Variants in C3 observed in about 807,000 individuals in gnomAD.
C3 encodes the protein C3 and PZP-like alpha-2-macroglobulin domain-containing protein 1.
C3 carries 97 observed loss-of-function variants against 207.9 expected under a neutral mutation model. The ratio of observed to expected loss-of-function variants is 0.47; its 90% CI spans 0.40 to 0.55. The LOEUF (loss-of-function observed/expected upper bound fraction) is 0.55, where lower values mean the gene tolerates loss of function less well. C3 is among the 20% of genes least tolerant of loss of function. The probability of loss-of-function intolerance (pLI) is 0.00; values close to 1 mark genes in which losing one functional copy is unlikely to be tolerated. For synonymous variants in C3, 848 were observed against 857.6 expected (o/e 0.99, Z 0.20); for missense variants, 1,684 against 2,171.7 (o/e 0.78, Z 4.46).
chr19:6,700,627 A>G lies in C3; in HGVS notation c.2440+1500T>C, dbSNP rs1478281826. Among the ~76,000 whole-genome samples the G allele has an allele frequency of 4.7e-5, 2 of 42,672 alleles. 1 individual carries two copies. The highest frequency in any genetic ancestry group is 7.5e-5 in the Non-Finnish European group (2 of 26,830). 28.0% of individuals were successfully genotyped at this position (42,672 alleles called of 152,430 possible). Reference sequence around the variant, plus strand: ...ATATTATATATGTAATATATAATATATGATATATTATATATGTAATATATA... The same window carrying G: ...ATATTATATATGTAATATATAATATGTGATATATTATATATGTAATATATA... On this transcript the variant is annotated intron_variant, in intron 19 of 40. Transcript: ENST00000245907.
At chr19:6,714,142 C>T in intron 6 of C3, 24 bp downstream of exon 6, 1 of 1,605,604 alleles carries the variant, frequency 6.2e-7, no homozygotes. Context: ...GGCACTGACT[C>T]CCCCCAGCCC....
chr19:6,713,506 G>A lies in C3; in HGVS notation c.777C>T (p.Phe259=). The part of the protein sequence containing the change: ...KGLEVTITAR[F]LYGKKVEGTA... ...TTCCCTCCACTTTCTTCCCGTAGAG[G>A]AACCTACGGGACAGACAAGGAGGGC... The change falls in exon 8 of 41, where the codon TTC becomes TTT. Residue 259 remains phenylalanine, a synonymous_variant. Coordinates refer to ENST00000245907, the MANE Select transcript of C3 (RefSeq NM_000064.4). 1.2e-6 allele frequency: 2 copies of A among 1,608,520 alleles called. No individual in the cohort carries two copies. The highest frequency in any genetic ancestry group is 1.7e-6 in the Non-Finnish European group (2 of 1,175,166).
At position 6,710,738 on chromosome 19, in the gene C3, G is replaced by C. The variant is rs1967904267; in HGVS notation, c.1587C>G (p.Phe529Leu). Reference sequence around the variant, plus strand: ...TCAGCGTGTAGTACGCCACCAGGCGGAAGGAAGGGATGAAGTCGGTGGTGA... The same window carrying C: ...TCAGCGTGTAGTACGCCACCAGGCGCAAGGAAGGGATGAAGTCGGTGGTGA... ...LSITTDFIPS[F>L]RLVAYYTLIG... The change falls in exon 13 of 41, where the codon TTC becomes TTG. Residue 529 changes from phenylalanine to leucine, a missense_variant. Physicochemically the swap from Phe to Leu is conservative, Grantham distance 22. Coordinates refer to ENST00000245907, the MANE Select transcript of C3 (RefSeq NM_000064.4). 1 of 1,613,686 alleles carries C rather than the reference G, an allele frequency of 6.2e-7. No homozygotes were observed. The highest frequency in any genetic ancestry group is 8.5e-7 in the Non-Finnish European group (1 of 1,179,974).
Position 6,678,153 on chromosome 19 carries a change from T to C in C3, c.4849A>G (p.Asn1617Asp). The C allele has an allele frequency of 6.2e-7, 1 of 1,614,166 alleles. No individual in the cohort carries two copies. The highest frequency in any genetic ancestry group is 1.1e-5 in the South Asian group (1 of 91,088). The change falls in exon 40 of 41, where the codon AAC becomes GAC. Residue 1617 changes from asparagine to aspartate, a missense_variant and splice_region_variant. Physicochemically the swap from Asn to Asp is conservative, Grantham distance 23 (BLOSUM62 1). Transcript: ENST00000245907. The part of the protein sequence containing the change: ...LSSDFWGEKP[N>D]LSYIIGKDTW... ...CGCACGCGCAGGGAAAGCACTCACT[T>C]GGGCTTCTCTCCCCAGAAATCGGAG... is the stretch of plus-strand genomic sequence containing the variant.
chr19:6,717,581 T>C (rs987858910), intron 4 of C3: 5 of 201,366 alleles, frequency 2.5e-5, no homozygotes, highest in Non-Finnish European at 2.1e-5. Context: ...TTTGTGTGTG[T>C]TGTGTGTGTT....
chr19:6,684,704 G>C (rs1917954686), intron 31 of C3, 54 bp from the exon 32 acceptor site: 4 of 1,601,790 alleles, frequency 2.5e-6, no homozygotes, highest in Non-Finnish European at 3.4e-6. Flanking sequence ...AGGACTGCTG[G>C]GGACAAGAGG....
Position 6,714,173 on chromosome 19 carries a change from C to T in C3, c.675G>A (p.Lys225=). 1 of 1,613,690 alleles carries T rather than the reference C, an allele frequency of 6.2e-7. No individual in the cohort carries two copies. The highest frequency in any genetic ancestry group is 1.1e-5 in the South Asian group (1 of 91,078). Residue 225 remains lysine (K), a synonymous_variant, in exon 6 of 41, where the codon AAG becomes AAA. Transcript: ENST00000245907. Reference sequence around the variant, plus strand: ...AGCCCCTCCTCCTCTTACCGTACTCCTTCACCTCAAACTCAGTGGAGAAGA... The same window carrying T: ...AGCCCCTCCTCCTCTTACCGTACTCTTTCACCTCAAACTCAGTGGAGAAGA... ...QQVFSTEFEV[K]EYVLPSFEVI... is the part of the protein sequence containing the mutation.
intron 29 of C3, among the ~76,000 whole-genome samples, chr19:6,685,712 C>G (rs11569538): frequency 0.11 from 16,683 of 152,110 alleles, 1,269 homozygotes; most frequent in African/African-American, 0.22. Context: ...TGGGAACATA[C>G]TATAGAGCCC....
chr19:6,719,936 A>G lies in C3; in HGVS notation c.75-533T>C, dbSNP rs1374660804. On this transcript the variant is annotated intron_variant, in intron 1 of 40. Transcript: ENST00000245907. The surrounding 1 kb of genome is among the most constrained non-coding windows in gnomAD (Gnocchi z 5.4). ...CAACACCCCAGTCCTAATAAATACAATCAATTCCAAATGCCCCAACTATAC... is the reference window on the plus strand; with the variant it reads ...CAACACCCCAGTCCTAATAAATACAGTCAATTCCAAATGCCCCAACTATAC... Among the ~76,000 whole-genome samples the G allele has an allele frequency of 2.0e-5, 3 of 152,086 alleles. No individual in the cohort carries two copies. The highest frequency in any genetic ancestry group is 2.0e-4 in the Admixed American group (3 of 15,258).
At chr19:6,688,687 GT>G (rs1918076610) in intron 27 of C3, among the ~76,000 whole-genome samples, 2 of 152,156 alleles carry the variant, frequency 1.3e-5, no homozygotes, top group Admixed American at 1.3e-4. Context: ...CAGGAGTCTG[GT>G]TTCACAGCCT....
chr19:6,707,778 CG>C (rs1568223258), intron 15 of C3, 21 bp downstream of exon 15: 8 of 1,612,274 alleles, frequency 5.0e-6, no homozygotes, highest in Non-Finnish European at 6.8e-6. Context: ...GTCCCTGCAC[CG>C]GCCCCTGGTG....
intron 27 of C3, among the ~76,000 whole-genome samples, chr19:6,688,880 GGTCCAGATATA>G (rs1568213182): frequency 1.3e-5 from 2 of 152,248 alleles, no homozygotes; most frequent in East Asian, 3.9e-4. Flanking sequence ...TTAGCTGATT[GGTCCAGATATA>G]GTCATCTGAC....
At chr19:6,683,512 G>A (rs1468629603) in intron 33 of C3, among the ~76,000 whole-genome samples, 15 of 136,152 alleles carry the variant, frequency 1.1e-4, no homozygotes, top group Middle Eastern at 4.8e-3. Context: ...GTGCAGTGGC[G>A]TGATCTCAGC....
intron 40 of C3, 57 bp downstream of exon 40, chr19:6,678,095 G>A (rs1211091931): frequency 6.2e-7 from 1 of 1,613,978 alleles, no homozygotes; most frequent in East Asian, 2.2e-5. Context: ...AATGGTGTGG[G>A]CGTGGCATGG....
At chr19:6,689,356 C>CTCTCT in intron 27 of C3, among the ~76,000 whole-genome samples, 1 of 47,198 alleles carries the variant, frequency 2.1e-5, no homozygotes, top group African/African-American at 1.2e-4. Context: ...TCCCTCCCTC[C>CTCTCT]CTCCCTCTCT....
At chr19:6,688,299 A>G (rs1918063784) in intron 27 of C3, among the ~76,000 whole-genome samples, 1 of 151,556 alleles carries the variant, frequency 6.6e-6, no homozygotes, top group Non-Finnish European at 1.5e-5. Flanking sequence ...ATGCCCGGCT[A>G]ATTTTTGTAT....
intron 4 of C3, chr19:6,717,766 G>T: frequency 2.0e-6 from 1 of 494,184 alleles, no homozygotes; most frequent in Non-Finnish European, 3.7e-6. Flanking sequence ...CATGCACGTT[G>T]TGCTGTGTGT....
chr19:6,712,474 G>T (rs1021376589), intron 10 of C3, 34 bp downstream of exon 10: 2 of 1,613,748 alleles, frequency 1.2e-6, no homozygotes, highest in African/African-American at 2.7e-5. Flanking sequence ...TCCCCGAAGG[G>T]AGGAGTGGGA....
intron 1 of C3, 63 bp downstream of exon 1, chr19:6,720,453 C>G (rs1968137656): frequency 8.4e-7 from 1 of 1,191,024 alleles, no homozygotes; most frequent in Non-Finnish European, 1.2e-6. Context: ...GGACCTGGAC[C>G]CCCAAATGTC....
Sources: gnomAD v4.1 joint callset for allele counts (sites outside exome capture counted in the v4.1 genomes callset) on GRCh38, gnomAD v4.1.1 for gene constraint, Gnocchi (gnomAD v3.1) non-coding constraint, MANE v1.5 for transcripts, NCBI Gene and HGNC (gene_info 2026-07-23, HGNC 2026-07-21) for gene names.